BMP2K: variants seen among roughly 807,000 people sequenced by gnomAD.
BMP2K encodes the protein BMP-2-inducible protein kinase.
Under a neutral mutation model 116.0 loss-of-function variants are expected in BMP2K, and 74 were observed. The ratio of observed to expected loss-of-function variants is 0.64; its 90% CI spans 0.53 to 0.77. The LOEUF (loss-of-function observed/expected upper bound fraction) is 0.77. Ranked by LOEUF, BMP2K falls within the 30% of genes least tolerant of loss-of-function variation. The pLI is 0.00. For synonymous variants in BMP2K, 486 were observed against 502.5 expected (o/e 0.97, Z 0.44); for missense variants, 1,365 against 1,403.6 (o/e 0.97, Z 0.44).
At chr4:78,829,154 A>G (rs1730026344) in intron 2 of BMP2K, among the ~76,000 whole-genome samples, 1 of 152,192 alleles carries the variant, frequency 6.6e-6, no homozygotes, top group Non-Finnish European at 1.5e-5. Context: ...GTTTGATAGC[A>G]CTTTATCCAC....
intron 15 of BMP2K, among the ~76,000 whole-genome samples, chr4:78,902,184 A>G (rs1734041736): frequency 6.6e-6 from 1 of 152,180 alleles, no homozygotes; most frequent in South Asian, 2.1e-4. Context: ...AGGCTCAGAA[A>G]GGTTCACTGA....
chr4:78,843,397 A>G (rs758542410), intron 4 of BMP2K, among the ~76,000 whole-genome samples: 2 of 151,122 alleles, frequency 1.3e-5, no homozygotes, highest in African/African-American at 4.9e-5. Context: ...TCCCTCTAGA[A>G]TGTAAGCTCC....
At chr4:78,906,069 T>A (rs536090375) in intron 15 of BMP2K, 1 of 152,146 alleles carries the variant, frequency 6.6e-6, no homozygotes, top group Non-Finnish European at 1.5e-5. Flanking sequence ...TCATGATGAA[T>A]AGATGATTAA....
Position 78,845,014 on chromosome 4 carries a change from A to T in BMP2K, c.633A>T (p.Lys211Asn). ...SATNKFLNPQ[K>N]DGVNVVEEEI... ...CTAATAAATTTCTTAATCCTCAAAA[A>T]GATGGAGTTAATGTAGTAGAAGAAG... Residue 211 changes from lysine to asparagine, a missense_variant, in exon 5 of 16, where the codon AAA becomes AAT. Around this residue, in one of 3 missense-constraint regions of BMP2K, gnomAD observed 762 missense variants for 756.7 expected, o/e 1.01. Coordinates refer to ENST00000502613, the MANE Select transcript of BMP2K (RefSeq NM_198892.2). 3.8e-6 allele frequency: 6 copies of T among 1,588,244 alleles called. No homozygotes were observed. The highest frequency in any genetic ancestry group is 5.2e-6 in the Non-Finnish European group (6 of 1,158,110).
chr4:78,833,530 C>A, intron 2 of BMP2K, 52 bp from the exon 3 acceptor site: 2 of 1,237,640 alleles, frequency 1.6e-6, no homozygotes, highest in Non-Finnish European at 2.3e-6. Context: ...ATTACTAATT[C>A]TATACCTTTA....
At chr4:78,778,166 G>A (rs1009497217) in intron 1 of BMP2K, among the ~76,000 whole-genome samples, 3 of 152,128 alleles carry the variant, frequency 2.0e-5, no homozygotes, top group African/African-American at 7.2e-5. Context: ...CTTGAGTAGT[G>A]TTACACTCAC....
At chr4:78,786,823 CTT>C (rs1476527941) in intron 1 of BMP2K, among the ~76,000 whole-genome samples, 1 of 152,132 alleles carries the variant, frequency 6.6e-6, no homozygotes, top group African/African-American at 2.4e-5. Context: ...TCTTAAATAG[CTT>C]TGTTCTATTC....
Position 78,911,878 on chromosome 4 carries a change from T to G in BMP2K, c.3331T>G (p.Ser1111Ala). The change falls in exon 16 of 16, where the codon TCA becomes GCA. Residue 1111 changes from serine (S) to alanine (A), a missense_variant. By Grantham distance (99) the Ser-to-Ala change is moderately conservative. Coordinates refer to ENST00000502613, the MANE Select transcript of BMP2K (RefSeq NM_198892.2). Reference sequence around the variant, plus strand: ...GCCAAGACAAAATTCACTACATGGGTCATTCCATAGTGCAGATGTATTGAA... The same window carrying G: ...GCCAAGACAAAATTCACTACATGGGGCATTCCATAGTGCAGATGTATTGAA... ...GRPRQNSLHG[S>A]FHSADVLKMD... 1 of 1,613,912 alleles carries G rather than the reference T, an allele frequency of 6.2e-7. No homozygotes were observed. Among genetic ancestry groups the G allele is most frequent in the Non-Finnish European group, 8.5e-7 (1 of 1,179,860 alleles).
intron 7 of BMP2K, among the ~76,000 whole-genome samples, chr4:78,857,626 C>G (rs1731564318): frequency 6.6e-6 from 1 of 151,992 alleles, no homozygotes; most frequent in African/African-American, 2.4e-5. Flanking sequence ...TAAACCATAC[C>G]CCTTTCTTTT....
intron 1 of BMP2K, among the ~76,000 whole-genome samples, chr4:78,780,346 G>A (rs1051094010): frequency 6.6e-6 from 1 of 152,182 alleles, no homozygotes; most frequent in East Asian, 1.9e-4. Context: ...TGAGATGGGT[G>A]TTGGGGGTTA....
intron 8 of BMP2K, 59 bp downstream of exon 8, chr4:78,859,746 A>G: frequency 1.7e-6 from 2 of 1,200,122 alleles, no homozygotes; most frequent in Non-Finnish European, 2.4e-6. Context: ...ATGTGAATAT[A>G]TTTACTTTCA....
chr4:78,812,073 A>C (rs1729121675), intron 1 of BMP2K, among the ~76,000 whole-genome samples: 1 of 152,112 alleles, frequency 6.6e-6, no homozygotes, highest in Admixed American at 6.5e-5. Flanking sequence ...TCCCAGGTTC[A>C]AGTGATTCTC....
At chr4:78,891,601 C>T (rs1733444302) in intron 15 of BMP2K, among the ~76,000 whole-genome samples, 1 of 152,102 alleles carries the variant, frequency 6.6e-6, no homozygotes, top group South Asian at 2.1e-4. Context: ...TTAGAAATTT[C>T]CTTGGCTTTA....
intron 1 of BMP2K, among the ~76,000 whole-genome samples, chr4:78,797,151 T>TA (rs1728336482): frequency 1.3e-5 from 2 of 151,402 alleles, no homozygotes; most frequent in African/African-American, 2.4e-5. Context: ...TAAACTCTAA[T>TA]AAGTATATGA....
In BMP2K at chr4:78,850,825, A is replaced by G. The variant is rs111384973; in HGVS notation, c.751-99A>G. On this transcript the variant is annotated intron_variant, in intron 6 of 15. Transcript: ENST00000502613. ...TAATTTGTAAAAAGATTGCTGCAGTATAGAAACATGACTTTTTTAAAGTAA... is the reference window on the plus strand; with the variant it reads ...TAATTTGTAAAAAGATTGCTGCAGTGTAGAAACATGACTTTTTTAAAGTAA... 1.0e-3 allele frequency: 1,308 copies of G among 1,289,886 alleles called. 10 individuals are homozygous for G. In the African/African-American group the frequency reaches 0.017, roughly 16 times the overall value. The allele number at this position is 1,289,886 out of a possible 1,614,324, so 79.9% of individuals were successfully genotyped here. A position where few individuals can be genotyped will look rare whatever the true frequency, so the allele number is the denominator to read the frequency against.
intron 1 of BMP2K, among the ~76,000 whole-genome samples, chr4:78,813,819 C>G (rs575643704): frequency 6.6e-6 from 1 of 152,064 alleles, no homozygotes; most frequent in Non-Finnish European, 1.5e-5. Context: ...CAGGACTTAC[C>G]GTTGTCTTCT....
chr4:78,850,782 A>T, intron 6 of BMP2K, 142 bp from the exon 7 acceptor site: 1 of 705,196 alleles, frequency 1.4e-6, no homozygotes. Flanking sequence ...AATTAAATAT[A>T]TTAATTTTTT....
chr4:78,802,074 G>C (rs1376775914), intron 1 of BMP2K, among the ~76,000 whole-genome samples: 2 of 152,172 alleles, frequency 1.3e-5, no homozygotes, highest in Non-Finnish European at 2.9e-5. Context: ...CTTCATTCTA[G>C]AAAGAGTTTT....
At chr4:78,862,431 A>G (rs902237246) in intron 9 of BMP2K, among the ~76,000 whole-genome samples, 1 of 152,052 alleles carries the variant, frequency 6.6e-6, no homozygotes, top group African/African-American at 2.4e-5. Flanking sequence ...ATGAATAGTC[A>G]ATCACTTGGA....
Sources: gnomAD v4.1 joint callset for allele counts (sites outside exome capture counted in the v4.1 genomes callset) on GRCh38, gnomAD v4.1.1 for gene constraint, gnomAD v4.1.1 regional missense constraint, MANE v1.5 for transcripts, NCBI Gene and HGNC (gene_info 2026-07-23, HGNC 2026-07-21) for gene names.